The following R3HCC1L variants were observed in gnomAD, a reference collection of about 807,000 sequenced individuals.
The protein encoded by R3HCC1L is R3H domain and coiled-coil containing 1 like, also known as coiled-coil domain-containing protein R3HCC1L.
Under a neutral mutation model 59.9 loss-of-function variants are expected in R3HCC1L, and 51 were observed. The ratio of observed to expected loss-of-function variants is 0.85; its 90% CI spans 0.68 to 1.07. The LOEUF is 1.07. Ranked by LOEUF, R3HCC1L falls within the 50% of genes least tolerant of loss-of-function variation. R3HCC1L has a pLI of 0.00. For missense variants in R3HCC1L, 965 were observed against 933.0 expected, an observed-to-expected ratio of 1.03 and a Z score of -0.45; for synonymous variants, 322 against 315.2, an observed-to-expected ratio of 1.02 and a Z score of -0.23.
chr10:98,163,486 T>A, intron 4 of R3HCC1L, 89 bp downstream of exon 4: 1 of 866,544 alleles, frequency 1.2e-6, no homozygotes, highest in Non-Finnish European at 1.6e-6. Flanking sequence ...TCTTCAGTTA[T>A]CATTTTATTT....
Position 98,180,669 on chromosome 10 carries a change from A to C in R3HCC1L, c.-15+17272A>C, listed in dbSNP as rs550411275. Among the ~76,000 whole-genome samples the C allele has an allele frequency of 2.0e-5, 3 of 152,264 alleles. No individual in the cohort carries two copies. In the South Asian group the frequency reaches 6.2e-4, roughly 32 times the overall value. ...TCTGATATTGACAGTGGGATGTTAA[A>C]GTCTCCCATTATTGTGTGGGAGTCT... On this transcript the variant is annotated intron_variant, in intron 4 of 9. Coordinates refer to ENST00000298999, the MANE Select transcript of R3HCC1L (RefSeq NM_001351015.2).
At chr10:98,222,881 C>G (rs1450000870) in intron 5 of R3HCC1L, among the ~76,000 whole-genome samples, 1 of 152,258 alleles carries the variant, frequency 6.6e-6, no homozygotes, top group Non-Finnish European at 1.5e-5. Context: ...CACAGAAATA[C>G]AAACTACCAT....
At chr10:98,183,161 G>A (rs565892471) in intron 4 of R3HCC1L, among the ~76,000 whole-genome samples, 6 of 152,146 alleles carry the variant, frequency 3.9e-5, no homozygotes, top group South Asian at 2.1e-4. Flanking sequence ...GTTCCTATTC[G>A]GCCGTCTTGG....
At chr10:98,156,934 G>T (rs1846943503) in intron 2 of R3HCC1L, among the ~76,000 whole-genome samples, 1 of 152,030 alleles carries the variant, frequency 6.6e-6, no homozygotes, top group Non-Finnish European at 1.5e-5. Context: ...TAACTTTCTA[G>T]GAAACCGTAC....
chr10:98,148,451 C>T (rs1424545902), intron 1 of R3HCC1L, among the ~76,000 whole-genome samples: 1 of 152,102 alleles, frequency 6.6e-6, no homozygotes, highest in East Asian at 1.9e-4. Context: ...TGTGGGCATC[C>T]TTGTCTTGTT....
intron 5 of R3HCC1L, among the ~76,000 whole-genome samples, chr10:98,210,331 A>C (rs1408410339): frequency 6.6e-6 from 1 of 152,190 alleles, no homozygotes; most frequent in Non-Finnish European, 1.5e-5. Context: ...AGAGAAAAGA[A>C]GGGTAAAATA....
chr10:98,206,428 A>G (rs534872754), intron 4 of R3HCC1L, among the ~76,000 whole-genome samples: 1 of 151,328 alleles, frequency 6.6e-6, no homozygotes, highest in Non-Finnish European at 1.5e-5. Context: ...AATGATATTG[A>G]ATTTTAATTT....
intron 5 of R3HCC1L, among the ~76,000 whole-genome samples, chr10:98,210,805 G>A (rs1853477602): frequency 1.3e-5 from 2 of 152,128 alleles, no homozygotes; most frequent in South Asian, 4.1e-4. Flanking sequence ...CTCACCTAAA[G>A]GATTTCTTTT....
At chr10:98,227,017 C>T (rs1054567025) in intron 5 of R3HCC1L, among the ~76,000 whole-genome samples, 1 of 152,182 alleles carries the variant, frequency 6.6e-6, no homozygotes, top group Non-Finnish European at 1.5e-5. Flanking sequence ...ATCAGCTGGT[C>T]TTTTCTCTTG....
Position 98,152,493 on chromosome 10 carries a change from C to A in R3HCC1L, c.-267-3600C>A, listed in dbSNP as rs1313485047. On this transcript the variant is annotated intron_variant, in intron 1 of 9. Transcript: ENST00000298999. ...GAGCGCCTCTTCCCGGCCGCCATCC[C>A]GTCTAGGAAGTGAGGAGCGTCTCTG... 1.4e-4 allele frequency among the ~76,000 whole-genome samples: 19 copies of A among 134,448 alleles called. 4 individuals are homozygous for A. Among genetic ancestry groups the A allele is most frequent in the Non-Finnish European group, 3.1e-4 (18 of 58,996 alleles). 88.2% of individuals were successfully genotyped at this position (134,448 alleles called of 152,430 possible).
chr10:98,152,926 G>T (rs1846389481), intron 1 of R3HCC1L, among the ~76,000 whole-genome samples: 1 of 148,776 alleles, frequency 6.7e-6, no homozygotes, highest in Non-Finnish European at 1.5e-5. Flanking sequence ...CCGGCCAGTC[G>T]CCCTGTCCGG....
intron 1 of R3HCC1L, among the ~76,000 whole-genome samples, chr10:98,148,584 T>C (rs1845872943): frequency 6.6e-6 from 1 of 152,220 alleles, no homozygotes; most frequent in Non-Finnish European, 1.5e-5. Flanking sequence ...TGAGGGTTTT[T>C]ATCATAAAGG....
intron 4 of R3HCC1L, among the ~76,000 whole-genome samples, chr10:98,175,166 G>A (rs774387412): frequency 4.6e-5 from 7 of 152,150 alleles, no homozygotes; most frequent in African/African-American, 1.2e-4. Context: ...GAAAGAAACC[G>A]TCAGTCTTAC....
At chr10:98,225,933 C>T (rs578048305) in intron 5 of R3HCC1L, among the ~76,000 whole-genome samples, 10 of 152,152 alleles carry the variant, frequency 6.6e-5, no homozygotes, top group South Asian at 2.1e-4. Flanking sequence ...CTCGACCTCC[C>T]GGACTCAAGC....
At chr10:98,180,200 A>C (rs925779960) in intron 4 of R3HCC1L, among the ~76,000 whole-genome samples, 1 of 152,182 alleles carries the variant, frequency 6.6e-6, no homozygotes. Flanking sequence ...ATTTAGTGCT[A>C]TAAATTTCCC....
intron 4 of R3HCC1L, among the ~76,000 whole-genome samples, chr10:98,200,248 C>G (rs996615010): frequency 7.2e-6 from 1 of 138,438 alleles, no homozygotes; most frequent in African/African-American, 2.5e-5. Context: ...GTATTTACTT[C>G]GTGTGATTGA....
chr10:98,172,506 G>A (rs1366918880), intron 4 of R3HCC1L, among the ~76,000 whole-genome samples: 1 of 152,184 alleles, frequency 6.6e-6, no homozygotes, highest in African/African-American at 2.4e-5. Context: ...CTGAAATATG[G>A]CTTGGATCGA....
Position 98,136,490 on chromosome 10 carries a change from T to C in R3HCC1L, c.-268+1784T>C, listed in dbSNP as rs149872902. On this transcript the variant is annotated intron_variant, in intron 1 of 9. Transcript: ENST00000298999. ...ACATGAAATTGATTTAGGTTTCATA[T>C]ATACCTTATATACATAGCCTAAAGG... is the stretch of plus-strand genomic sequence containing the variant. 2.3e-3 allele frequency among the ~76,000 whole-genome samples: 349 copies of C among 152,314 alleles called. 1 individual carries two copies. The highest frequency in any genetic ancestry group is 7.9e-3 in the African/African-American group (329 of 41,570).
intron 1 of R3HCC1L, among the ~76,000 whole-genome samples, chr10:98,148,486 A>T (rs192431614): frequency 4.7e-4 from 71 of 152,254 alleles, no homozygotes; most frequent in Admixed American, 1.0e-3. Context: ...AAAGGCTTTC[A>T]GTTTTTCCCT....
Sources: gnomAD v4.1 joint callset for allele counts (sites outside exome capture counted in the v4.1 genomes callset) on GRCh38, gnomAD v4.1.1 for gene constraint, MANE v1.5 for transcripts, NCBI Gene and HGNC (gene_info 2026-07-23, HGNC 2026-07-21) for gene names.